TP63: variants seen among roughly 807,000 people sequenced by gnomAD.
TP63 encodes the protein tumor protein p63, also known as tumor protein 63.
Under a neutral mutation model 82.8 loss-of-function variants are expected in TP63, and 17 were observed. The ratio of observed to expected loss-of-function variants is 0.21; its 90% confidence interval spans 0.14 to 0.31. The LOEUF is 0.31. TP63 is among the 10% of genes least tolerant of loss of function. TP63 has a pLI of 1.00. For synonymous variants in TP63, 330 were observed against 321.7 expected (o/e 1.03, Z -0.28); for missense variants, 648 against 895.3 (o/e 0.72, Z 3.52).
At chr3:189,667,778 T>A (rs1714531180) in intron 1 of TP63, among the ~76,000 whole-genome samples, 1 of 152,152 alleles carries the variant, frequency 6.6e-6, no homozygotes, top group African/African-American at 2.4e-5. Flanking sequence ...TCCTTAAGTA[T>A]AGACCATGTT....
chr3:189,777,185 A>G (rs548866411), intron 3 of TP63, among the ~76,000 whole-genome samples: 13 of 148,880 alleles, frequency 8.7e-5, no homozygotes, highest in Non-Finnish European at 1.3e-4. Context: ...TCACCCTGTT[A>G]TTTTTTTATG....
rs3773930 is a variant in TP63 at position 189,870,852 on chromosome 3, A to G, written c.1212+1446A>G. Among the ~76,000 whole-genome samples, 4 of 152,156 alleles carry G rather than the reference A, an allele frequency of 2.6e-5. No individual in the cohort carries two copies. In the East Asian group the frequency reaches 7.7e-4, roughly 29 times the overall value. On this transcript the variant is annotated intron_variant, in intron 9 of 13. Coordinates refer to ENST00000264731, the MANE Select transcript of TP63 (RefSeq NM_003722.5). ...GGGCCAGGAGATTTGACCATGAACT[A>G]CTACCCTGGGATTGAACTAACGAAA...
At chr3:189,600,982 A>G in the TP63 span, among the ~76,000 whole-genome samples, 1 of 152,172 alleles carries the variant, frequency 6.6e-6, no homozygotes, top group East Asian at 1.9e-4. Context: ...AATCAGTACA[A>G]CATGTGTTGA....
At chr3:189,642,474 G>C (rs1378468318) in intron 1 of TP63, among the ~76,000 whole-genome samples, 1 of 152,022 alleles carries the variant, frequency 6.6e-6, no homozygotes, top group African/African-American at 2.4e-5. Context: ...ACTGGATTCG[G>C]GGGCCAATGC....
chr3:189,818,712 G>T (rs924568052), intron 4 of TP63, among the ~76,000 whole-genome samples: 3 of 151,942 alleles, frequency 2.0e-5, no homozygotes, highest in Non-Finnish European at 4.4e-5. Context: ...TAAGAATTTT[G>T]CTTGTAAGAA....
In TP63 at chr3:189,875,607, T is replaced by TATATATATATAC. The variant is rs1553859628; in HGVS notation, c.1349+2623_1349+2624insCATATATATATA. 5.5e-4 allele frequency among the ~76,000 whole-genome samples: 31 copies of TATATATATATAC among 56,102 alleles called. 1 individual carries two copies. Among genetic ancestry groups the TATATATATATAC allele is most frequent in the African/African-American group, 1.8e-3 (30 of 16,606 alleles). 36.8% of individuals were successfully genotyped at this position (56,102 alleles called of 152,430 possible). On this transcript the variant is annotated intron_variant, in intron 10 of 13. Coordinates refer to ENST00000264731, the MANE Select transcript of TP63 (RefSeq NM_003722.5). ...AAAAATACATACATATATATATATA[T>TATATATATATAC]ATATATATATATATATATATATATA...
chr3:189,796,384 C>T (rs1242003941), intron 3 of TP63, among the ~76,000 whole-genome samples: 5 of 151,838 alleles, frequency 3.3e-5, no homozygotes, highest in African/African-American at 1.2e-4. Flanking sequence ...AAGAAGACCA[C>T]GTGGGCAATT....
At chr3:189,717,024 C>T (rs545268121) in intron 1 of TP63, among the ~76,000 whole-genome samples, 49 of 152,240 alleles carry the variant, frequency 3.2e-4, no homozygotes, top group African/African-American at 1.1e-3. Context: ...TCTAGAACTC[C>T]CAACCTCAGG....
chr3:189,667,826 C>A (rs951963672), intron 1 of TP63, among the ~76,000 whole-genome samples: 3 of 152,048 alleles, frequency 2.0e-5, no homozygotes, highest in Non-Finnish European at 2.9e-5. Flanking sequence ...TGACCCTGGT[C>A]CCTATAATCT....
intron 4 of TP63, among the ~76,000 whole-genome samples, chr3:189,842,166 G>A (rs1019337923): frequency 9.9e-5 from 15 of 152,154 alleles, no homozygotes; most frequent in Non-Finnish European, 1.8e-4. Flanking sequence ...AGTGTGCTGA[G>A]ACAGACATGC....
chr3:189,647,318 G>A (rs1712502699), intron 1 of TP63, among the ~76,000 whole-genome samples: 1 of 146,850 alleles, frequency 6.8e-6, no homozygotes. Flanking sequence ...AAACCAGTAG[G>A]TCTTCCCTGG....
In TP63 at chr3:189,755,046, G is replaced by C. The variant is rs1358696333; in HGVS notation, c.324+16272G>C. 2.6e-5 allele frequency among the ~76,000 whole-genome samples: 4 copies of C among 152,086 alleles called. No individual in the cohort carries two copies. The East Asian group carries it at 7.7e-4, about 29-fold the overall frequency. On this transcript the variant is annotated intron_variant, in intron 3 of 13. Coordinates refer to ENST00000264731, the MANE Select transcript of TP63 (RefSeq NM_003722.5). ...TCAGACACACTAGAGTTGAAATTCT[G>C]TCTGCACTAATTTAGGTGCGACCTT...
chr3:189,600,312 T>G, the TP63 span, among the ~76,000 whole-genome samples: 1 of 151,532 alleles, frequency 6.6e-6, no homozygotes, highest in African/African-American at 2.4e-5. Context: ...TTAACCTCTC[T>G]GGGCTTTAGG....
chr3:189,790,377 C>T (rs901552378), intron 3 of TP63, among the ~76,000 whole-genome samples: 2 of 151,974 alleles, frequency 1.3e-5, no homozygotes, highest in Admixed American at 6.6e-5. Flanking sequence ...GCTGTGATAA[C>T]GTTTCTGTCG....
At chr3:189,847,547 T>G (rs1715050855) in intron 4 of TP63, among the ~76,000 whole-genome samples, 1 of 152,196 alleles carries the variant, frequency 6.6e-6, no homozygotes, top group Non-Finnish European at 1.5e-5. Context: ...TTTTGAAAAT[T>G]ATTTCAGATG....
chr3:189,717,930 C>A (rs1459749716), intron 1 of TP63, among the ~76,000 whole-genome samples: 1 of 152,132 alleles, frequency 6.6e-6, no homozygotes, highest in Non-Finnish European at 1.5e-5. Context: ...AAATGAGAAA[C>A]CTTGCTATAT....
intron 1 of TP63, among the ~76,000 whole-genome samples, chr3:189,667,039 A>AAC (rs1224470542): frequency 2.0e-5 from 3 of 151,738 alleles, no homozygotes; most frequent in Non-Finnish European, 4.4e-5. Flanking sequence ...AAAAAAAAAA[A>AAC]AACTCATAAA....
At chr3:189,727,417 G>A (rs1279157035) in intron 1 of TP63, among the ~76,000 whole-genome samples, 2 of 152,196 alleles carry the variant, frequency 1.3e-5, no homozygotes, top group Admixed American at 1.3e-4. Context: ...AGCAATCTGA[G>A]TTGTCTGACA....
intron 4 of TP63, among the ~76,000 whole-genome samples, chr3:189,860,817 TGTTGTA>T (rs1337606914): frequency 6.6e-6 from 1 of 152,218 alleles, no homozygotes; most frequent in Non-Finnish European, 1.5e-5. Flanking sequence ...TCACTTTTGT[TGTTGTA>T]GTTGTTGTTG....
Sources: allele counts gnomAD v4.1 joint callset (sites outside exome capture counted in the v4.1 genomes callset), GRCh38; gene constraint gnomAD v4.1.1; transcripts MANE v1.5; gene names NCBI Gene and HGNC (gene_info 2026-07-23, HGNC 2026-07-21).